The following TRHDE variants were observed in gnomAD, a reference collection of about 807,000 sequenced individuals.
TRHDE encodes thyrotropin releasing hormone degrading enzyme, also known as thyrotropin-releasing hormone-degrading ectoenzyme.
In TRHDE, 72 loss-of-function variants were observed where a neutral mutation model predicts 125.7. That is an observed-to-expected ratio of 0.57 (90% confidence interval 0.47 to 0.70). The LOEUF (loss-of-function observed/expected upper bound fraction) is 0.70. Among genes scored for constraint, TRHDE ranks in the 30% least tolerant of loss-of-function variants. The probability of loss-of-function intolerance (pLI) is 0.00; values close to 1 mark genes in which losing one functional copy is unlikely to be tolerated. For missense variants in TRHDE, 1,110 were observed against 1,327.1 expected, an observed-to-expected ratio of 0.84 and a Z score of 2.54; for synonymous variants, 509 against 509.1, an observed-to-expected ratio of 1.00 and a Z score of 0.00.
intron 1 of TRHDE, among the ~76,000 whole-genome samples, chr12:72,090,251 T>C (rs1170615076): frequency 6.6e-6 from 1 of 152,174 alleles, no homozygotes; most frequent in Non-Finnish European, 1.5e-5. Flanking sequence ...AAGATGAGTC[T>C]TTTCCCACCG....
At chr12:72,520,799 A>G (rs1246443893) in intron 6 of TRHDE, among the ~76,000 whole-genome samples, 1 of 152,234 alleles carries the variant, frequency 6.6e-6, no homozygotes, top group South Asian at 2.1e-4. Context: ...AGGTTCACGC[A>G]TCAACATAGC....
At chr12:72,371,376 TTTTA>T (rs1276583593) in intron 2 of TRHDE, among the ~76,000 whole-genome samples, 2 of 150,972 alleles carry the variant, frequency 1.3e-5, no homozygotes, top group African/African-American at 2.4e-5. Context: ...CAAAACTGGC[TTTTA>T]TTTATTTATT....
intron 2 of TRHDE, among the ~76,000 whole-genome samples, chr12:72,122,154 C>A (rs1358935601): frequency 6.6e-6 from 1 of 151,926 alleles, no homozygotes; most frequent in Admixed American, 6.6e-5. Flanking sequence ...TTTTGTTCTC[C>A]CCCATTTCAA....
At chr12:72,512,545 C>A (rs1399785878) in intron 6 of TRHDE, among the ~76,000 whole-genome samples, 1 of 126,526 alleles carries the variant, frequency 7.9e-6, no homozygotes, top group African/African-American at 3.1e-5. Context: ...TATATATATT[C>A]ATATATAATC....
intron 1 of TRHDE, chr12:72,274,745 G>A (rs960243868): frequency 1.3e-5 from 2 of 152,132 alleles, no homozygotes; most frequent in African/African-American, 4.8e-5. Context: ...TTCTAACTTG[G>A]GGATACCAAT....
intron 7 of TRHDE, among the ~76,000 whole-genome samples, chr12:72,556,274 A>G (rs190530893): frequency 2.0e-5 from 3 of 152,324 alleles, no homozygotes; most frequent in Non-Finnish European, 2.9e-5. Context: ...GGGTTGTATT[A>G]TGCAAGCAAC....
At chr12:72,383,446 G>A (rs1872274454) in intron 3 of TRHDE, among the ~76,000 whole-genome samples, 1 of 139,402 alleles carries the variant, frequency 7.2e-6, no homozygotes, top group Admixed American at 7.8e-5. Flanking sequence ...GTGTGATCTC[G>A]GCTGACTGCA....
intron 2 of TRHDE, among the ~76,000 whole-genome samples, chr12:72,162,556 G>T (rs1031269905): frequency 2.6e-5 from 4 of 152,158 alleles, no homozygotes; most frequent in African/African-American, 9.7e-5. Flanking sequence ...GCTAGAAGTT[G>T]GTCCTGGGAG....
chr12:72,130,196 A>G (rs975322788), intron 2 of TRHDE, among the ~76,000 whole-genome samples: 2 of 152,220 alleles, frequency 1.3e-5, no homozygotes, highest in East Asian at 3.9e-4. Flanking sequence ...GCTACTCGGG[A>G]GGCTGAGGCT....
intron 2 of TRHDE, among the ~76,000 whole-genome samples, chr12:72,110,712 G>A (rs1292885183): frequency 1.3e-5 from 2 of 152,090 alleles, no homozygotes; most frequent in Non-Finnish European, 2.9e-5. Context: ...GTTCTACAAT[G>A]ATTTATTCCA....
Position 72,319,623 on chromosome 12 carries a change from C to A in TRHDE, c.1188+32669C>A, listed in dbSNP as rs201272646. On this transcript the variant is annotated intron_variant, in intron 2 of 18. Transcript: ENST00000261180. ...ACCTATCTGTTTTTATTAATCTGGCCATCAGATTTTCTGAGTACTTGGACC... is the reference window on the plus strand; with the variant it reads ...ACCTATCTGTTTTTATTAATCTGGCAATCAGATTTTCTGAGTACTTGGACC... Among the ~76,000 whole-genome samples, 10 of 152,238 alleles carry A rather than the reference C, an allele frequency of 6.6e-5. No individual in the cohort carries two copies. In the East Asian group the frequency reaches 1.2e-3, roughly 18 times the overall value.
intron 5 of TRHDE, among the ~76,000 whole-genome samples, chr12:72,476,823 C>T (rs929273288): frequency 8.5e-5 from 13 of 152,092 alleles, no homozygotes; most frequent in East Asian, 1.9e-4. Flanking sequence ...CAGTATACTT[C>T]GCTTAACTGT....
chr12:72,639,189 A>C (rs1421308986), intron 15 of TRHDE, among the ~76,000 whole-genome samples: 1 of 151,272 alleles, frequency 6.6e-6, no homozygotes, highest in Admixed American at 6.6e-5. Flanking sequence ...TATTTCTTGG[A>C]GGCTTTGCTC....
intron 2 of TRHDE, among the ~76,000 whole-genome samples, chr12:72,304,477 C>T (rs535677215): frequency 2.6e-5 from 4 of 152,034 alleles, no homozygotes; most frequent in Admixed American, 1.3e-4. Flanking sequence ...AGAGTGATCC[C>T]GCCAGGGCAA....
chr12:72,649,630 A>G (rs1874423971), intron 15 of TRHDE, among the ~76,000 whole-genome samples: 1 of 152,174 alleles, frequency 6.6e-6, no homozygotes, highest in African/African-American at 2.4e-5. Context: ...AATATTTGCA[A>G]ACCATATATC....
chr12:72,362,218 G>A (rs1317086581), intron 2 of TRHDE, among the ~76,000 whole-genome samples: 1 of 145,404 alleles, frequency 6.9e-6, no homozygotes, highest in East Asian at 2.1e-4. Context: ...ATCCTCTCCA[G>A]CACCTGTTGT....
chr12:72,249,380 A>C lies in TRHDE; in HGVS notation n.280-128615A>C, dbSNP rs574503978. Among the ~76,000 whole-genome samples, 4 of 152,292 alleles carry C rather than the reference A, an allele frequency of 2.6e-5. No homozygotes were observed. The South Asian group carries it at 8.3e-4, about 32-fold the overall frequency. ...TTAAAAATAAGCAGAAGATTTTAGC[A>C]TAACTTCACAAAAGAAAATATATGA... On this transcript the variant is annotated intron_variant and non_coding_transcript_variant, in intron 2 of 4. Transcript: ENST00000548156.
chr12:72,419,841 T>A (rs1175992365), intron 3 of TRHDE, among the ~76,000 whole-genome samples: 1 of 152,212 alleles, frequency 6.6e-6, no homozygotes, highest in African/African-American at 2.4e-5. Flanking sequence ...TTAGTTGCCA[T>A]GCACTTCCTT....
At chr12:72,271,325 G>A (rs116379682), upstream of TRHDE, among the ~76,000 whole-genome samples, 1,403 of 152,244 alleles carry the variant, frequency 9.2e-3, 21 homozygotes, top group African/African-American at 0.032. Flanking sequence ...CCTCTGGCGA[G>A]CTTGATGTGA....
Sources: allele counts gnomAD v4.1 joint callset (sites outside exome capture counted in the v4.1 genomes callset), GRCh38; gene constraint gnomAD v4.1.1; transcripts MANE v1.5; gene names NCBI Gene and HGNC (gene_info 2026-07-23, HGNC 2026-07-21).